CACNA1A: variants seen among roughly 807,000 people sequenced by gnomAD.
CACNA1A encodes voltage-dependent P/Q-type calcium channel subunit alpha-1A.
A neutral mutation model predicts 262.4 loss-of-function variants in CACNA1A; 57 were observed. The ratio of observed to expected loss-of-function variants is 0.22; its 90% CI spans 0.18 to 0.27. The LOEUF is 0.27. Among genes scored for constraint, CACNA1A ranks in the 10% least tolerant of loss-of-function variants. CACNA1A has a pLI of 1.00. For missense variants in CACNA1A, 2,526 were observed against 3,562.8 expected (o/e 0.71, Z 7.41); for synonymous variants, 1,431 against 1,419.3 (o/e 1.01, Z -0.18).
At chr19:13,346,058 G>A (rs1183340746) in intron 6 of CACNA1A, among the ~76,000 whole-genome samples, 2 of 152,100 alleles carry the variant, frequency 1.3e-5, no homozygotes, top group African/African-American at 4.8e-5. Context: ...GCATGACCAC[G>A]CCTGGCTAAC....
chr19:13,393,890 A>G (rs28696267), intron 3 of CACNA1A, among the ~76,000 whole-genome samples: 9,438 of 147,714 alleles, frequency 0.064, 506 homozygotes, highest in East Asian at 0.25. Flanking sequence ...ATCTCTGCTC[A>G]CTGCAACCTC....
At chr19:13,315,803 A>G (rs1234002353) in intron 11 of CACNA1A, 1 of 152,162 alleles carries the variant, frequency 6.6e-6, no homozygotes, top group Non-Finnish European at 1.5e-5. Flanking sequence ...GTCCTAAGTC[A>G]ATTCTGAACC....
At chr19:13,333,063 G>T (rs1280308753) in intron 8 of CACNA1A, 138 bp from the exon 9 acceptor site, 2 of 627,922 alleles carry the variant, frequency 3.2e-6, no homozygotes, top group East Asian at 5.6e-5. Context: ...AAAACATGCT[G>T]CTGGGTGGTT....
At chr19:13,223,103 C>T (rs140342300) in intron 38 of CACNA1A, among the ~76,000 whole-genome samples, 1 of 152,210 alleles carries the variant, frequency 6.6e-6, no homozygotes, top group Non-Finnish European at 1.5e-5. Context: ...TGACTCACTG[C>T]AGCCTCAAAC....
At chr19:13,417,393 T>A (rs973022364) in intron 3 of CACNA1A, among the ~76,000 whole-genome samples, 1 of 151,264 alleles carries the variant, frequency 6.6e-6, no homozygotes, top group Non-Finnish European at 1.5e-5. Context: ...CAGGAAAGAG[T>A]CGCCAAGGGC....
At chr19:13,401,443 G>A (rs1414085507) in intron 3 of CACNA1A, among the ~76,000 whole-genome samples, 1 of 152,168 alleles carries the variant, frequency 6.6e-6, no homozygotes, top group Non-Finnish European at 1.5e-5. Context: ...ATACATAGTT[G>A]AGGCATGAGT....
chr19:13,240,640 TGC>T (rs1328748324), intron 31 of CACNA1A, among the ~76,000 whole-genome samples: 1 of 151,596 alleles, frequency 6.6e-6, no homozygotes, highest in African/African-American at 2.4e-5. Context: ...GTGCAGTGTC[TGC>T]GCAGTGACTG....
intron 12 of CACNA1A, among the ~76,000 whole-genome samples, chr19:13,309,159 C>A (rs1250005703): frequency 6.6e-6 from 1 of 152,096 alleles, no homozygotes; most frequent in African/African-American, 2.4e-5. Context: ...CAGGCACCCG[C>A]CACCACGCCC....
intron 3 of CACNA1A, among the ~76,000 whole-genome samples, chr19:13,413,396 G>A (rs140258966): frequency 0.031 from 4,654 of 150,550 alleles, 209 homozygotes; most frequent in African/African-American, 0.1. Context: ...GTGAGCCACC[G>A]TGCCCGGCCT....
In CACNA1A at chr19:13,506,246, C is replaced by T. The variant is rs1287814777; in HGVS notation, c.-22G>A. On this transcript the variant is annotated 5_prime_UTR_variant, in exon 1 of 47. Coordinates refer to ENST00000360228, the MANE Select transcript of CACNA1A (RefSeq NM_001127222.2). The stretch of plus-strand genomic sequence containing the variant: ...CCATTCTGCAAAGAGCAAAGGGCTC[C>T]GGGTTACGCTGCGGCGAACGATGCG... 6 of 1,426,546 alleles carry T rather than the reference C, an allele frequency of 4.2e-6. No homozygotes were observed. In the African/African-American group the frequency reaches 6.0e-5, roughly 14 times the overall value. 88.4% of individuals were successfully genotyped at this position (1,426,546 alleles called of 1,614,324 possible). A position where few individuals can be genotyped will look rare whatever the true frequency, so the allele number is the denominator to read the frequency against.
intron 38 of CACNA1A, among the ~76,000 whole-genome samples, chr19:13,221,295 T>C (rs191594659): frequency 1.0e-3 from 140 of 133,656 alleles, no homozygotes; most frequent in African/African-American, 4.0e-3. Flanking sequence ...GTGCAATGGT[T>C]TGATCTCGGC....
chr19:13,453,079 C>T (rs1340860203), intron 2 of CACNA1A, 64 bp from the exon 3 acceptor site: 3 of 1,568,378 alleles, frequency 1.9e-6, no homozygotes, highest in Admixed American at 1.7e-5. Context: ...GATCAGGGAA[C>T]CAGCCCACCT....
At chr19:13,270,831 G>A (rs1211008919) in intron 24 of CACNA1A, among the ~76,000 whole-genome samples, 1 of 152,122 alleles carries the variant, frequency 6.6e-6, no homozygotes, top group Non-Finnish European at 1.5e-5. Flanking sequence ...GCTCCCTGTT[G>A]GACTCATGTC....
chr19:13,260,408 G>A (rs2056704394), intron 26 of CACNA1A: 1 of 151,100 alleles, frequency 6.6e-6, no homozygotes, highest in South Asian at 2.1e-4. Context: ...GAGTACAGTG[G>A]CCCAATCTGG....
intron 30 of CACNA1A, among the ~76,000 whole-genome samples, chr19:13,251,259 G>A (rs540083572): frequency 1.3e-5 from 2 of 151,820 alleles, no homozygotes; most frequent in Admixed American, 6.6e-5. Context: ...CGAGGCGGGC[G>A]GATCATGAGG....
At chr19:13,396,696 G>T (rs954067837) in intron 3 of CACNA1A, among the ~76,000 whole-genome samples, 5 of 152,214 alleles carry the variant, frequency 3.3e-5, no homozygotes, top group African/African-American at 1.2e-4. Flanking sequence ...CATAATCGAG[G>T]GCGTGCAGTC....
chr19:13,441,551 C>A (rs895570238), intron 3 of CACNA1A, among the ~76,000 whole-genome samples: 5 of 151,696 alleles, frequency 3.3e-5, no homozygotes, highest in South Asian at 4.2e-4. Context: ...CCTGTAATCC[C>A]AGCTACTTGG....
intron 3 of CACNA1A, among the ~76,000 whole-genome samples, chr19:13,403,791 A>C (rs2059952413): frequency 6.6e-6 from 1 of 151,856 alleles, no homozygotes; most frequent in South Asian, 2.1e-4. Flanking sequence ...AAACAAACAA[A>C]CAAAAAAAAA....
chr19:13,437,346 C>G (rs570703452), intron 3 of CACNA1A, among the ~76,000 whole-genome samples: 3 of 152,144 alleles, frequency 2.0e-5, no homozygotes, highest in African/African-American at 7.2e-5. Flanking sequence ...ACGCCGGCCT[C>G]GGTTTCCATA....
Sources: gnomAD v4.1 joint callset for allele counts (sites outside exome capture counted in the v4.1 genomes callset) on GRCh38, gnomAD v4.1.1 for gene constraint, MANE v1.5 for transcripts, NCBI Gene and HGNC (gene_info 2026-07-23, HGNC 2026-07-21) for gene names.